The following JAK1 variants were observed in gnomAD, a reference collection of about 807,000 sequenced individuals.
JAK1 encodes Janus kinase 1.
In JAK1, 16 loss-of-function variants were observed where a neutral mutation model predicts 136.6. The ratio of observed to expected loss-of-function variants is 0.12; its 90% CI spans 0.08 to 0.18. The LOEUF (loss-of-function observed/expected upper bound fraction) is 0.18, where lower values mean the gene tolerates loss of function less well. Ranked by LOEUF, JAK1 falls within the 10% of genes least tolerant of loss-of-function variation. The pLI is 1.00. For synonymous variants in JAK1, 492 were observed against 519.5 expected, an observed-to-expected ratio of 0.95 and a Z score of 0.72; for missense variants, 859 against 1,450.1, an observed-to-expected ratio of 0.59 and a Z score of 6.62.
At chr1:65,012,621 G>A (rs1201643012) in intron 2 of JAK1, among the ~76,000 whole-genome samples, 1 of 152,002 alleles carries the variant, frequency 6.6e-6, no homozygotes, top group Non-Finnish European at 1.5e-5. Flanking sequence ...AAGAAGGAAA[G>A]TACAAAAGAA....
At chr1:65,038,194 TTTTC>T (rs1443021136) in intron 2 of JAK1, among the ~76,000 whole-genome samples, 5 of 148,072 alleles carry the variant, frequency 3.4e-5, no homozygotes, top group Admixed American at 3.4e-4. Context: ...TTCTTTTTTC[TTTTC>T]TTTTTTTTTT....
At chr1:65,014,900 A>T (rs1288135968) in intron 2 of JAK1, among the ~76,000 whole-genome samples, 5 of 152,026 alleles carry the variant, frequency 3.3e-5, no homozygotes, top group East Asian at 1.9e-4. Flanking sequence ...TTAGCCAGGA[A>T]GGTCTCGATC....
chr1:65,042,535 G>C (rs1340812932), intron 2 of JAK1, among the ~76,000 whole-genome samples: 2 of 151,962 alleles, frequency 1.3e-5, no homozygotes, highest in African/African-American at 4.8e-5. Context: ...TGAAATAACT[G>C]GTGTTTCATA....
At chr1:64,944,114 T>C (rs925022108) in intron 1 of JAK1, among the ~76,000 whole-genome samples, 25 of 147,738 alleles carry the variant, frequency 1.7e-4, no homozygotes, top group Non-Finnish European at 2.8e-4. Context: ...CCCAGCTACT[T>C]GGGAGGCTGA....
intron 5 of JAK1, among the ~76,000 whole-genome samples, chr1:64,871,424 T>C (rs892128713): frequency 1.3e-5 from 2 of 152,076 alleles, no homozygotes; most frequent in African/African-American, 2.4e-5. Context: ...AAACAGAAAA[T>C]GTCCAGGAAC....
At position 64,841,578 on chromosome 1, in the gene JAK1, C is replaced by T. The variant is rs750015854; in HGVS notation, c.2427G>A (p.Arg809=). The change falls in exon 18 of 25, where the codon CGG becomes CGA. Residue 809 remains arginine (R), a synonymous_variant. Transcript: ENST00000342505. ...LIEKERFYES[R]CRPVTPSCKE... ...TACATGATGGTGTCACTGGCCTGCACCGGCTTTCATAGAATCTCTCTTTCT... is the reference window on the plus strand; with the variant it reads ...TACATGATGGTGTCACTGGCCTGCATCGGCTTTCATAGAATCTCTCTTTCT... The T allele has an allele frequency of 1.9e-6, 3 of 1,614,080 alleles. No homozygotes were observed. Among genetic ancestry groups the T allele is most frequent in the Non-Finnish European group, 1.7e-6 (2 of 1,180,038 alleles).
Position 64,984,636 on chromosome 1 carries a change from C to T in JAK1, c.-78+59844G>A. On this transcript the variant is annotated intron_variant, in intron 2 of 25. Coordinates refer to the JAK1 transcript ENST00000671954. This position sits in a 1 kb window ranked among gnomAD's most constrained non-coding sequence, Gnocchi z 4.1. ...CATTGGTGGTGGTCTCCTTAGCAGG[C>T]TGGATACTGTTCATCTCCATGACAC... 4.0e-6 allele frequency: 2 copies of T among 505,706 alleles called. No homozygotes were observed. Among genetic ancestry groups the T allele is most frequent in the Non-Finnish European group, 7.5e-6 (2 of 265,900 alleles). The allele number at this position is 505,706 out of a possible 1,614,324, so 31.3% of individuals were successfully genotyped here. A position where few individuals can be genotyped will look rare whatever the true frequency, so the allele number is the denominator to read the frequency against.
At chr1:64,956,598 T>C (rs1053693479) in intron 1 of JAK1, among the ~76,000 whole-genome samples, 1 of 152,224 alleles carries the variant, frequency 6.6e-6, no homozygotes, top group African/African-American at 2.4e-5. Context: ...CCTGAAATTA[T>C]CTTGTTTATC....
intron 1 of JAK1, among the ~76,000 whole-genome samples, chr1:65,046,676 T>C (rs933835546): frequency 6.6e-6 from 1 of 151,782 alleles, no homozygotes; most frequent in Non-Finnish European, 1.5e-5. Flanking sequence ...GTAGGCTGGT[T>C]CAAATAGCTC....
At chr1:65,015,765 T>C (rs1646887500) in intron 2 of JAK1, among the ~76,000 whole-genome samples, 1 of 152,202 alleles carries the variant, frequency 6.6e-6, no homozygotes, top group Non-Finnish European at 1.5e-5. Flanking sequence ...CCAAAAATCA[T>C]TATTGAAAAC....
chr1:65,004,385 G>A (rs541399550), intron 2 of JAK1, among the ~76,000 whole-genome samples: 47 of 152,346 alleles, frequency 3.1e-4, no homozygotes, highest in African/African-American at 1.1e-3. Context: ...TAAGTAAGGT[G>A]TTTGGTGCTC....
intron 1 of JAK1, among the ~76,000 whole-genome samples, chr1:64,961,877 C>T (rs1198298081): frequency 6.6e-6 from 1 of 152,160 alleles, no homozygotes; most frequent in Non-Finnish European, 1.5e-5. Context: ...GCCATGTATA[C>T]CAAGTTTATT....
At chr1:64,878,974 T>TC in intron 4 of JAK1, 51 bp downstream of exon 4, 1 of 1,591,582 alleles carries the variant, frequency 6.3e-7, no homozygotes, top group Admixed American at 1.7e-5. Flanking sequence ...CTGACCACTG[T>TC]CCCTCAGTGC....
chr1:65,002,512 A>G (rs490178), intron 2 of JAK1: 33,772 of 152,230 alleles, frequency 0.22, 5,150 homozygotes, highest in African/African-American at 0.41. Flanking sequence ...TAGTATGTAC[A>G]TCACAAGGAT....
chr1:64,924,200 G>T (rs145304763), intron 1 of JAK1, among the ~76,000 whole-genome samples: 86 of 152,286 alleles, frequency 5.6e-4, no homozygotes, highest in Admixed American at 1.2e-3. Context: ...ACAAAATAGT[G>T]TAGTATCTTA....
intron 2 of JAK1, among the ~76,000 whole-genome samples, chr1:65,035,942 C>T (rs1422351918): frequency 6.6e-6 from 1 of 152,010 alleles, no homozygotes; most frequent in East Asian, 1.9e-4. Flanking sequence ...GTAGCGCACG[C>T]CTGTAGTCCC....
chr1:64,976,743 A>G (rs998219445), intron 2 of JAK1, among the ~76,000 whole-genome samples: 1 of 152,140 alleles, frequency 6.6e-6, no homozygotes, highest in African/African-American at 2.4e-5. Context: ...TGATATTTCC[A>G]TCCTAACATG....
At position 64,868,547 on chromosome 1, in the gene JAK1, C is replaced by A. The variant is rs553650466; in HGVS notation, c.647+764G>T. Among the ~76,000 whole-genome samples, 99 of 152,292 alleles carry A rather than the reference C, an allele frequency of 6.5e-4. 1 individual carries two copies. Among genetic ancestry groups the A allele is most frequent in the African/African-American group, 2.3e-3 (97 of 41,548 alleles). On this transcript the variant is annotated intron_variant, in intron 6 of 24. Transcript: ENST00000342505. ...GAAAAAAGAGAAAGCAGCAGTTGAG[C>A]AGTATCGACTCAATCCCTGCATCAC...
At chr1:65,025,429 C>G (rs1363588790) in intron 2 of JAK1, among the ~76,000 whole-genome samples, 1 of 152,114 alleles carries the variant, frequency 6.6e-6, no homozygotes, top group African/African-American at 2.4e-5. Context: ...CAACCACGGC[C>G]TCACTAAAAA....
Sources: gnomAD v4.1 joint callset for allele counts (sites outside exome capture counted in the v4.1 genomes callset) on GRCh38, gnomAD v4.1.1 for gene constraint, Gnocchi (gnomAD v3.1) non-coding constraint, MANE v1.5 for transcripts, NCBI Gene and HGNC (gene_info 2026-07-23, HGNC 2026-07-21) for gene names.